Variants in COLQ observed in about 807,000 individuals in gnomAD.
The protein encoded by COLQ is collagen like tail subunit of asymmetric acetylcholinesterase.
A neutral mutation model predicts 69.0 loss-of-function variants in COLQ; 48 were observed. The observed-to-expected ratio is 0.70, with a 90% CI of 0.55 to 0.88. COLQ has a LOEUF of 0.88. Ranked by LOEUF, COLQ falls within the 40% of genes least tolerant of loss-of-function variation. The pLI, the probability that COLQ is intolerant of heterozygous loss-of-function variation, is 0.00. For missense variants in COLQ, 618 were observed against 594.6 expected, an observed-to-expected ratio of 1.04 and a Z score of -0.41; for synonymous variants, 217 against 211.2, an observed-to-expected ratio of 1.03 and a Z score of -0.24.
intron 1 of COLQ, among the ~76,000 whole-genome samples, chr3:15,510,288 G>A (rs1225989396): frequency 2.0e-5 from 3 of 152,146 alleles, no homozygotes; most frequent in African/African-American, 4.8e-5. Flanking sequence ...ACCAGTAATT[G>A]AGAGCAAACT....
intron 12 of COLQ, among the ~76,000 whole-genome samples, chr3:15,460,260 C>T (rs757278611): frequency 1.3e-5 from 2 of 152,010 alleles, no homozygotes; most frequent in Middle Eastern, 3.2e-3. Flanking sequence ...GTTTGATGAT[C>T]GAATGAATGA....
rs758775358 is a variant in COLQ, at chr3:15,470,501, G to T, written c.717+35C>A. The T allele has an allele frequency of 7.5e-6, 12 of 1,600,762 alleles. No homozygotes were observed. In the Admixed American group the frequency reaches 1.7e-4, roughly 22 times the overall value. On this transcript the variant is annotated intron_variant, in intron 11 of 16. Transcript: ENST00000383788. ...ACACACTGCCAGGTCAGGAAGTTCTGACCTCAGGCGGGTGGTAAGCCCTGG... is the reference window on the plus strand; with the variant it reads ...ACACACTGCCAGGTCAGGAAGTTCTTACCTCAGGCGGGTGGTAAGCCCTGG...
intron 1 of COLQ, among the ~76,000 whole-genome samples, chr3:15,504,316 C>T (rs1406026598): frequency 1.3e-5 from 2 of 152,162 alleles, no homozygotes; most frequent in East Asian, 3.9e-4. Context: ...TTCTCATAGA[C>T]CTTGAGGCTG....
At chr3:15,458,880 G>T (rs976277840) in intron 12 of COLQ, among the ~76,000 whole-genome samples, 1 of 145,692 alleles carries the variant, frequency 6.9e-6, no homozygotes, top group East Asian at 2.0e-4. Flanking sequence ...GTCTTGCTCT[G>T]TTGCCCAGGC....
At chr3:15,509,385 A>G (rs1347091881) in intron 1 of COLQ, among the ~76,000 whole-genome samples, 1 of 152,208 alleles carries the variant, frequency 6.6e-6, no homozygotes, top group Non-Finnish European at 1.5e-5. Flanking sequence ...ATTTCCAAAA[A>G]GTGGACACTC....
rs80189599 is a variant in COLQ, at chr3:15,469,822, G to A, written c.717+714C>T. Among the ~76,000 whole-genome samples, 267 of 152,256 alleles carry A rather than the reference G, an allele frequency of 1.8e-3. 3 individuals are homozygous for A. The highest frequency in any genetic ancestry group is 0.016 in the East Asian group (82 of 5,186). ...ATCTGTACATCTGTATTTAATCACC[G>A]GCCCCACCCCCAGGTGATCTTGATG... On this transcript the variant is annotated intron_variant, in intron 11 of 16. Coordinates refer to ENST00000383788, the MANE Select transcript of COLQ (RefSeq NM_005677.4).
intron 1 of COLQ, among the ~76,000 whole-genome samples, chr3:15,501,402 G>T (rs1485150384): frequency 1.3e-5 from 2 of 152,170 alleles, no homozygotes; most frequent in African/African-American, 4.8e-5. Context: ...ACCTCACAGA[G>T]AGCCTGTGTG....
intron 1 of COLQ, among the ~76,000 whole-genome samples, chr3:15,493,960 G>T (rs2062708747): frequency 1.3e-5 from 2 of 152,208 alleles, no homozygotes; most frequent in African/African-American, 4.8e-5. Flanking sequence ...GCACATGCTT[G>T]TAATCCCAGC....
intron 1 of COLQ, among the ~76,000 whole-genome samples, chr3:15,496,726 T>C (rs2062751662): frequency 6.6e-6 from 1 of 152,226 alleles, no homozygotes; most frequent in South Asian, 2.1e-4. Context: ...TTATGGGTAA[T>C]TGTTTAATGC....
At chr3:15,490,813 T>A (rs2062653961) in intron 1 of COLQ, among the ~76,000 whole-genome samples, 1 of 152,234 alleles carries the variant, frequency 6.6e-6, no homozygotes, top group African/African-American at 2.4e-5. Flanking sequence ...TTTGGAAAAT[T>A]GCTTGTTATC....
intron 12 of COLQ, among the ~76,000 whole-genome samples, chr3:15,458,647 A>G (rs1425068361): frequency 6.6e-6 from 1 of 152,226 alleles, no homozygotes; most frequent in East Asian, 1.9e-4. Flanking sequence ...CGAAAGGCTC[A>G]TGGGGCCTGG....
intron 1 of COLQ, among the ~76,000 whole-genome samples, chr3:15,499,036 G>A (rs191671269): frequency 1.3e-5 from 2 of 151,700 alleles, no homozygotes; most frequent in East Asian, 1.9e-4. Context: ...CACCGAGACC[G>A]TCCAAGGGGA....
chr3:15,462,717 A>G (rs943169864), intron 12 of COLQ, among the ~76,000 whole-genome samples: 1 of 152,230 alleles, frequency 6.6e-6, no homozygotes, highest in African/African-American at 2.4e-5. Context: ...TGGAGAGGCC[A>G]TAACAGAGAG....
At chr3:15,458,154 A>G (rs1267956380) in intron 13 of COLQ, 32 bp downstream of exon 13, 1 of 1,612,238 alleles carries the variant, frequency 6.2e-7, no homozygotes, top group Non-Finnish European at 8.5e-7. Flanking sequence ...CCTCACGGAT[A>G]ACCACCCCAG....
At position 15,477,188 on chromosome 3, in the gene COLQ, C is replaced by T; in HGVS notation, c.403G>A (p.Gly135Ser). ...LGRPGRKGRP[G>S]PPGVPGMPGP... is the part of the protein sequence containing the mutation. Reference sequence around the variant, plus strand: ...GGCATGCCAGGAACACCTGGGGGGCCAGGTCTACCCTTCAAAGACCAAGAA... The same window carrying T: ...GGCATGCCAGGAACACCTGGGGGGCTAGGTCTACCCTTCAAAGACCAAGAA... Residue 135 changes from glycine (G) to serine (S), a missense_variant, in exon 6 of 17, where the codon GGC (glycine) becomes AGC (serine). Physicochemically the swap from Gly to Ser is moderately conservative, Grantham distance 56 (BLOSUM62 0). Transcript: ENST00000383788. 3.1e-6 allele frequency: 5 copies of T among 1,605,556 alleles called. No homozygotes were observed. Among genetic ancestry groups the T allele is most frequent in the Non-Finnish European group, 4.3e-6 (5 of 1,176,396 alleles).
intron 1 of COLQ, chr3:15,498,846 G>A (rs1446459633): frequency 4.9e-6 from 7 of 1,417,048 alleles, no homozygotes; most frequent in Non-Finnish European, 5.5e-6. Context: ...TGGAGGACAA[G>A]AGTGCCTTCA....
At chr3:15,506,404 TA>T (rs1236296346) in intron 1 of COLQ, among the ~76,000 whole-genome samples, 3 of 152,174 alleles carry the variant, frequency 2.0e-5, no homozygotes, top group Non-Finnish European at 4.4e-5. Context: ...AAGTATACAT[TA>T]AAATTCTTTC....
chr3:15,469,342 A>C (rs1480141651), intron 11 of COLQ, among the ~76,000 whole-genome samples: 1 of 152,168 alleles, frequency 6.6e-6, no homozygotes, highest in Non-Finnish European at 1.5e-5. Flanking sequence ...CCAAGCTTAA[A>C]ATATTATGAA....
intron 15 of COLQ, among the ~76,000 whole-genome samples, chr3:15,455,175 C>G (rs990000049): frequency 2.6e-5 from 4 of 152,200 alleles, no homozygotes; most frequent in Non-Finnish European, 5.9e-5. Flanking sequence ...ACATCATACC[C>G]ATTTTACAGG....
Sources: allele counts gnomAD v4.1 joint callset (sites outside exome capture counted in the v4.1 genomes callset), GRCh38; gene constraint gnomAD v4.1.1; transcripts MANE v1.5; gene names NCBI Gene and HGNC (gene_info 2026-07-23, HGNC 2026-07-21).